DGLUCY: variants seen among roughly 807,000 people sequenced by gnomAD.
DGLUCY encodes the protein D-glutamate cyclase, mitochondrial.
In DGLUCY, 58 loss-of-function variants were observed where a neutral mutation model predicts 58.5. That is an observed-to-expected ratio of 0.99 (90% CI 0.80 to 1.23). DGLUCY has a LOEUF of 1.23. Ranked by LOEUF, DGLUCY falls within the 50% of genes most tolerant of loss-of-function variation. DGLUCY has a pLI of 0.00. For missense variants in DGLUCY, 779 were observed against 784.7 expected, an observed-to-expected ratio of 0.99 and a Z score of 0.09; for synonymous variants, 325 against 314.1, an observed-to-expected ratio of 1.03 and a Z score of -0.37.
chr14:91,083,522 C>CAAAA (rs761458676), intron 1 of DGLUCY, among the ~76,000 whole-genome samples: 15 of 52,190 alleles, frequency 2.9e-4, no homozygotes, highest in South Asian at 6.4e-4. Flanking sequence ...GATTCCGTCT[C>CAAAA]AAAAAAAAAA....
intron 1 of DGLUCY, among the ~76,000 whole-genome samples, chr14:91,124,570 G>A (rs930767296): frequency 1.3e-5 from 2 of 152,292 alleles, no homozygotes; most frequent in Admixed American, 6.5e-5. Flanking sequence ...TGTTGCCCGG[G>A]CCAAGGAAAG....
At chr14:91,206,619 G>T (rs953826961) in intron 12 of DGLUCY, among the ~76,000 whole-genome samples, 6 of 151,998 alleles carry the variant, frequency 3.9e-5, no homozygotes, top group Non-Finnish European at 7.4e-5. Context: ...CTGACCTCAG[G>T]TGATCCACCC....
At chr14:91,103,343 C>T (rs527465966), upstream of DGLUCY, among the ~76,000 whole-genome samples, 96 of 152,282 alleles carry the variant, frequency 6.3e-4, no homozygotes, top group African/African-American at 2.1e-3. Flanking sequence ...ATCCTTCCCC[C>T]TTCTCCTTTT....
At chr14:91,135,562 A>T (rs2046276249) in intron 1 of DGLUCY, among the ~76,000 whole-genome samples, 1 of 151,294 alleles carries the variant, frequency 6.6e-6, no homozygotes, top group South Asian at 2.1e-4. Flanking sequence ...AGGCAGGAGA[A>T]TCACTTGAAC....
At chr14:91,180,016 C>A (rs1175369212) in intron 7 of DGLUCY, among the ~76,000 whole-genome samples, 2 of 149,546 alleles carry the variant, frequency 1.3e-5, no homozygotes, top group African/African-American at 4.9e-5. Context: ...CTCAGCCTCC[C>A]AAGTAGCTGG....
At chr14:91,080,599 G>T (rs2140045869) in intron 1 of DGLUCY, among the ~76,000 whole-genome samples, 1 of 152,262 alleles carries the variant, frequency 6.6e-6, no homozygotes, top group Admixed American at 6.5e-5. Flanking sequence ...TCGAACTCCT[G>T]ATCTTGGGAT....
At chr14:91,163,744 G>A (rs969315319) in intron 3 of DGLUCY, among the ~76,000 whole-genome samples, 2 of 152,118 alleles carry the variant, frequency 1.3e-5, no homozygotes, top group Non-Finnish European at 2.9e-5. Flanking sequence ...GTGACCCTGG[G>A]AAAGTCATTT....
At chr14:91,168,520 C>T (rs915101488) in intron 4 of DGLUCY, among the ~76,000 whole-genome samples, 1 of 152,162 alleles carries the variant, frequency 6.6e-6, no homozygotes, top group African/African-American at 2.4e-5. Flanking sequence ...TTCCCCGGTG[C>T]CTCCTGTGCT....
At chr14:91,133,294 TCAA>T (rs748258195) in intron 1 of DGLUCY, among the ~76,000 whole-genome samples, 73 of 151,886 alleles carry the variant, frequency 4.8e-4, no homozygotes, top group Non-Finnish European at 5.6e-4. Flanking sequence ...AGACTCCGTC[TCAA>T]CAACAACAAC....
rs557210747 is a variant in DGLUCY at position 91,188,785 on chromosome 14, C to T, written c.935-125C>T. On this transcript the variant is annotated intron_variant, in intron 8 of 13. Transcript: ENST00000256324. ...TTGAGGCTGCAGTGAGCTGTGATCA[C>T]GCCACTGCCTTCCAGCCTGGATGAC... The T allele has an allele frequency of 1.7e-4, 187 of 1,111,592 alleles. No homozygotes were observed. In the African/African-American group the frequency reaches 2.5e-3, roughly 15 times the overall value. 68.9% of individuals were successfully genotyped at this position (1,111,592 alleles called of 1,614,324 possible).
chr14:91,164,101 C>T (rs2140364051), intron 3 of DGLUCY, among the ~76,000 whole-genome samples: 2 of 152,228 alleles, frequency 1.3e-5, no homozygotes, highest in South Asian at 4.2e-4. Context: ...AGGCACGTGC[C>T]ACCATGCCTG....
At chr14:91,128,327 A>AT (rs1414550426) in intron 1 of DGLUCY, among the ~76,000 whole-genome samples, 322 of 135,490 alleles carry the variant, frequency 2.4e-3, no homozygotes, top group African/African-American at 7.9e-3. Flanking sequence ...AAAAAAAAAA[A>AT]CCCACAAGAA....
intron 1 of DGLUCY, among the ~76,000 whole-genome samples, chr14:91,116,096 A>G (rs551048583): frequency 6.6e-6 from 1 of 152,322 alleles, no homozygotes; most frequent in Non-Finnish European, 1.5e-5. Context: ...AGCATGGCAG[A>G]TACACAAAAC....
chr14:91,222,716 G>T (rs1362697859), intron 13 of DGLUCY, among the ~76,000 whole-genome samples: 1 of 152,200 alleles, frequency 6.6e-6, no homozygotes, highest in African/African-American at 2.4e-5. Context: ...CTCTCAGCTG[G>T]CTCATTTTTA....
chr14:91,150,242 A>G (rs2047246494), intron 1 of DGLUCY, among the ~76,000 whole-genome samples: 1 of 136,414 alleles, frequency 7.3e-6, no homozygotes, highest in South Asian at 2.4e-4. Context: ...AAAAAAAAAA[A>G]TCCAGTTTGG....
intron 1 of DGLUCY, among the ~76,000 whole-genome samples, chr14:91,142,840 A>AACACACACACACACACACACACACAC (rs558892923): frequency 1.6e-5 from 2 of 124,226 alleles, no homozygotes; most frequent in African/African-American, 6.1e-5. Flanking sequence ...ATCTCTACTA[A>AACACACACACACACACACACACACAC]ACACACACAC....
chr14:91,135,048 G>A (rs1001905837), intron 1 of DGLUCY, among the ~76,000 whole-genome samples: 26 of 151,586 alleles, frequency 1.7e-4, no homozygotes, highest in African/African-American at 6.3e-4. Context: ...CTAGCCTCCC[G>A]AAGTAGCTGG....
At chr14:91,091,584 A>G (rs560661187) in intron 1 of DGLUCY, among the ~76,000 whole-genome samples, 11 of 152,334 alleles carry the variant, frequency 7.2e-5, no homozygotes, top group African/African-American at 2.2e-4. Context: ...CTCAGAGGGC[A>G]TATGCCTTTT....
At chr14:91,091,647 G>A (rs2044313461) in intron 1 of DGLUCY, among the ~76,000 whole-genome samples, 1 of 152,218 alleles carries the variant, frequency 6.6e-6, no homozygotes, top group Non-Finnish European at 1.5e-5. Flanking sequence ...AAGGTCCATA[G>A]CCTGTCTGGA....
Sources: allele counts gnomAD v4.1 joint callset (sites outside exome capture counted in the v4.1 genomes callset), GRCh38; gene constraint gnomAD v4.1.1; transcripts MANE v1.5; gene names NCBI Gene and HGNC (gene_info 2026-07-23, HGNC 2026-07-21).